The following CNTN5 variants were observed in gnomAD, a reference collection of about 807,000 sequenced individuals.
CNTN5 encodes contactin 5, also known as contactin-5.
In CNTN5, 77 loss-of-function variants were observed where a neutral mutation model predicts 129.1. The observed-to-expected ratio is 0.60, with a 90% CI of 0.50 to 0.72. CNTN5 has a LOEUF of 0.72. Ranked by LOEUF, CNTN5 falls within the 30% of genes least tolerant of loss-of-function variation. The pLI, the probability that CNTN5 is intolerant of heterozygous loss-of-function variation, is 0.00. For synonymous variants in CNTN5, 509 were observed against 465.6 expected (o/e 1.09, Z -1.20); for missense variants, 1,478 against 1,328.8 (o/e 1.11, Z -1.75).
At chr11:99,566,274 A>G (rs1279913660) in intron 3 of CNTN5, among the ~76,000 whole-genome samples, 1 of 152,156 alleles carries the variant, frequency 6.6e-6, no homozygotes, top group Non-Finnish European at 1.5e-5. Flanking sequence ...GTGATACACC[A>G]GCTCCTCTTG....
At chr11:99,712,736 A>C (rs1267823925) in intron 3 of CNTN5, among the ~76,000 whole-genome samples, 2 of 152,036 alleles carry the variant, frequency 1.3e-5, no homozygotes, top group Non-Finnish European at 2.9e-5. Flanking sequence ...TAAATAGAGA[A>C]TCCTTTCCCT....
At chr11:99,749,582 C>T (rs1944165562) in intron 3 of CNTN5, among the ~76,000 whole-genome samples, 1 of 152,076 alleles carries the variant, frequency 6.6e-6, no homozygotes, top group South Asian at 2.1e-4. Context: ...GATAAATTTC[C>T]CCTGGAATAC....
At chr11:99,685,910 AAAT>A (rs1953770451) in intron 3 of CNTN5, among the ~76,000 whole-genome samples, 1 of 151,938 alleles carries the variant, frequency 6.6e-6, no homozygotes. Context: ...AGTTCTTTTT[AAAT>A]AATAATTACC....
At chr11:100,244,232 C>A (rs1949798042) in intron 16 of CNTN5, among the ~76,000 whole-genome samples, 1 of 152,110 alleles carries the variant, frequency 6.6e-6, no homozygotes, top group Non-Finnish European at 1.5e-5. Context: ...TTAGATTTTT[C>A]AGTCTTTTGG....
At chr11:99,694,670 G>A (rs1954188787) in intron 3 of CNTN5, among the ~76,000 whole-genome samples, 1 of 151,578 alleles carries the variant, frequency 6.6e-6, no homozygotes. Flanking sequence ...CCCTCCCCGA[G>A]CCCCCCACCC....
chr11:99,389,602 C>G (rs1403068785), intron 2 of CNTN5, among the ~76,000 whole-genome samples: 1 of 152,056 alleles, frequency 6.6e-6, no homozygotes, highest in Non-Finnish European at 1.5e-5. Context: ...TCTGTCCTAC[C>G]CACACAAACA....
rs1565537487 is a variant in CNTN5, at chr11:99,382,853, T to TTTTG, written c.-71+57372_-71+57373insGTTT. Among the ~76,000 whole-genome samples the TTTTG allele has an allele frequency of 4.7e-5, 4 of 84,412 alleles. No homozygotes were observed. In the East Asian group the frequency reaches 1.2e-3, roughly 25 times the overall value. The allele number at this position is 84,412 out of a possible 152,430, so 55.4% of individuals were successfully genotyped here. ...CTAGTGTCTCTAAATAACTTTTTTT[T>TTTTG]TTTTTTTTTTTTTTTTTTTTTTAGA... On this transcript the variant is annotated intron_variant, in intron 2 of 24. Transcript: ENST00000524871.
chr11:99,572,449 G>T (rs530858440), intron 3 of CNTN5, among the ~76,000 whole-genome samples: 1 of 152,116 alleles, frequency 6.6e-6, no homozygotes, highest in Admixed American at 6.5e-5. Context: ...AATAGCAAAG[G>T]GTAGAATTAG....
intron 21 of CNTN5, among the ~76,000 whole-genome samples, chr11:100,313,124 A>G (rs1437821202): frequency 6.6e-6 from 1 of 152,064 alleles, no homozygotes; most frequent in East Asian, 1.9e-4. Context: ...GAAGTGCAGT[A>G]GAAAGCCATT....
chr11:99,202,334 T>G (rs1859250418), intron 1 of CNTN5, among the ~76,000 whole-genome samples: 2 of 152,204 alleles, frequency 1.3e-5, no homozygotes, highest in Non-Finnish European at 2.9e-5. Context: ...AAACAATTTA[T>G]TTTGACCATA....
At chr11:99,645,445 C>T (rs901543282) in intron 3 of CNTN5, among the ~76,000 whole-genome samples, 1 of 152,004 alleles carries the variant, frequency 6.6e-6, no homozygotes, top group Non-Finnish European at 1.5e-5. Flanking sequence ...GGAATCGCCA[C>T]ACTGTCTTCC....
At chr11:99,616,518 G>A (rs987270130) in intron 3 of CNTN5, among the ~76,000 whole-genome samples, 5 of 151,908 alleles carry the variant, frequency 3.3e-5, no homozygotes, top group Non-Finnish European at 4.4e-5. Flanking sequence ...CCATATCCTC[G>A]ACCAGATTAT....
intron 13 of CNTN5, among the ~76,000 whole-genome samples, chr11:100,109,021 C>A (rs551647092): frequency 6.6e-6 from 1 of 152,242 alleles, no homozygotes; most frequent in East Asian, 1.9e-4. Context: ...TGACCAAATT[C>A]TTATCTCCTT....
intron 3 of CNTN5, among the ~76,000 whole-genome samples, chr11:99,734,557 T>C (rs1424411132): frequency 6.6e-6 from 1 of 152,212 alleles, no homozygotes; most frequent in East Asian, 1.9e-4. Flanking sequence ...TATATCATAC[T>C]GATTTTACAA....
chr11:99,086,708 G>A (rs995927921), intron 1 of CNTN5, among the ~76,000 whole-genome samples: 1 of 152,138 alleles, frequency 6.6e-6, no homozygotes, highest in African/African-American at 2.4e-5. Context: ...GTAGTTATTG[G>A]TATGGAATCA....
At chr11:99,169,850 A>C (rs1176065177) in intron 1 of CNTN5, among the ~76,000 whole-genome samples, 2 of 152,182 alleles carry the variant, frequency 1.3e-5, no homozygotes, top group Non-Finnish European at 2.9e-5. Flanking sequence ...ACATGCAAAG[A>C]CTGAAAGTTT....
chr11:99,041,134 A>G (rs1020031888), intron 1 of CNTN5, among the ~76,000 whole-genome samples: 1 of 152,122 alleles, frequency 6.6e-6, no homozygotes, highest in Non-Finnish European at 1.5e-5. Context: ...CTTATGTTTC[A>G]TGGAGTAGGT....
intron 2 of CNTN5, among the ~76,000 whole-genome samples, chr11:99,372,633 C>T (rs1004289588): frequency 2.0e-5 from 3 of 152,002 alleles, no homozygotes; most frequent in African/African-American, 4.8e-5. Context: ...AAAAGCTTGG[C>T]TGGAAATCAG....
chr11:100,256,559 A>G (rs1394700319), intron 17 of CNTN5, among the ~76,000 whole-genome samples: 2 of 152,182 alleles, frequency 1.3e-5, no homozygotes, highest in Non-Finnish European at 2.9e-5. Flanking sequence ...AATGAGATCA[A>G]CGCAGAAGGT....
Sources: allele counts gnomAD v4.1 joint callset (sites outside exome capture counted in the v4.1 genomes callset), GRCh38; gene constraint gnomAD v4.1.1; transcripts MANE v1.5; gene names NCBI Gene and HGNC (gene_info 2026-07-23, HGNC 2026-07-21).